Variants in FCF1 observed in about 807,000 individuals in gnomAD.
FCF1 encodes the protein rRNA-processing protein FCF1 homolog.
In FCF1, 17 loss-of-function variants were observed where a neutral mutation model predicts 32.5. That is an observed-to-expected ratio of 0.52 (90% CI 0.36 to 0.78). The LOEUF is 0.78. FCF1 is among the 30% of genes least tolerant of loss of function. FCF1 has a pLI of 0.00. For missense variants in FCF1, 201 were observed against 241.1 expected, an observed-to-expected ratio of 0.83 and a Z score of 1.10; for synonymous variants, 84 against 78.4, an observed-to-expected ratio of 1.07 and a Z score of -0.38.
intron 1 of FCF1, 112 bp from the exon 2 acceptor site, chr14:74,713,373 G>T: frequency 6.5e-7 from 1 of 1,544,752 alleles, no homozygotes; most frequent in Non-Finnish European, 8.8e-7. Flanking sequence ...GTGGGGAAGA[G>T]GGTCTGGGTT....
chr14:74,730,307 G>A (rs920636427), intron 5 of FCF1, among the ~76,000 whole-genome samples: 20 of 149,904 alleles, frequency 1.3e-4, no homozygotes, highest in African/African-American at 3.2e-4. Flanking sequence ...TGACCTCTCC[G>A]GCTCAAGTGA....
At chr14:74,732,865 T>A (rs770459430) in intron 6 of FCF1, 47 bp downstream of exon 6, 43 of 1,002,376 alleles carry the variant, frequency 4.3e-5, no homozygotes, top group Non-Finnish European at 5.7e-5. Flanking sequence ...AAAAAAAAAA[T>A]GTAAACTATT....
At chr14:74,723,389 A>C (rs2140028503) in intron 5 of FCF1, 45 bp downstream of exon 5, 1 of 1,307,786 alleles carries the variant, frequency 7.6e-7, no homozygotes, top group East Asian at 2.4e-5. Context: ...GGTATACTGA[A>C]GATTCATCTG....
chr14:74,714,894 C>A lies in FCF1; in HGVS notation c.94C>A (p.Pro32Thr), dbSNP rs1254086326. 1 of 1,587,376 alleles carries A rather than the reference C, an allele frequency of 6.3e-7. No homozygotes were observed. The highest frequency in any genetic ancestry group is 1.8e-5 in the Admixed American group (1 of 54,792). The change falls in exon 3 of 8, where the codon CCT becomes ACT. Residue 32 changes from proline (P) to threonine (T), a missense_variant. Around this residue, in one of 3 missense-constraint regions of FCF1, gnomAD observed 76 missense variants for 75.0 expected, o/e 1.01. Transcript: ENST00000341162. ...TAGTAAAGAAAAGGATAGATTAAAA[C>A]CTAAAAAGAAAGAAAAGAAGGATCC... ...QRLKEKDRLK[P>T]KKKEKKDPSA...
chr14:74,729,043 G>T (rs1411556873), intron 5 of FCF1, among the ~76,000 whole-genome samples: 1 of 152,192 alleles, frequency 6.6e-6, no homozygotes. Flanking sequence ...TGTTCATCAA[G>T]GATATTGGTC....
chr14:74,734,951 T>A lies in FCF1; in HGVS notation c.*21T>A. On this transcript the variant is annotated 3_prime_UTR_variant, in exon 8 of 8. Transcript: ENST00000341162. ...TCTAATTCTTACAAGACACAGTTCC[T>A]CTGCCTTTCTTCGACCAACTTTCTC... is the stretch of plus-strand genomic sequence containing the variant. 1 of 1,607,310 alleles carries A rather than the reference T, an allele frequency of 6.2e-7. No homozygotes were observed. The highest frequency in any genetic ancestry group is 8.5e-7 in the Non-Finnish European group (1 of 1,173,958).
chr14:74,719,362 C>G (rs779774794), intron 4 of FCF1, among the ~76,000 whole-genome samples: 2 of 151,686 alleles, frequency 1.3e-5, no homozygotes, highest in African/African-American at 2.4e-5. Context: ...ACCCCGTAGT[C>G]CCAGCAGTTT....
At chr14:74,729,100 G>A (rs1438515730) in intron 5 of FCF1, among the ~76,000 whole-genome samples, 1 of 152,154 alleles carries the variant, frequency 6.6e-6, no homozygotes, top group Non-Finnish European at 1.5e-5. Context: ...TTGGTATCAG[G>A]ATGATGCTGG....
At chr14:74,723,404 TTG>T (rs542704795) in intron 5 of FCF1, 60 bp downstream of exon 5, 3 of 1,229,964 alleles carry the variant, frequency 2.4e-6, no homozygotes, top group Non-Finnish European at 3.5e-6. Flanking sequence ...CATCTGTTTG[TTG>T]TTTAAAGATT....
intron 4 of FCF1, among the ~76,000 whole-genome samples, chr14:74,722,205 T>C (rs539990570): frequency 6.6e-6 from 1 of 152,094 alleles, no homozygotes; most frequent in East Asian, 1.9e-4. Flanking sequence ...CCCAACACCA[T>C]GCCCAGCTAT....
At chr14:74,714,479 A>G (rs559761141) in intron 2 of FCF1, among the ~76,000 whole-genome samples, 2 of 152,230 alleles carry the variant, frequency 1.3e-5, no homozygotes, top group African/African-American at 2.4e-5. Flanking sequence ...TATAAGAAGC[A>G]TATGGGGTAA....
chr14:74,722,582 G>A (rs1464653763), intron 4 of FCF1, among the ~76,000 whole-genome samples: 3 of 151,688 alleles, frequency 2.0e-5, no homozygotes, highest in East Asian at 1.9e-4. Flanking sequence ...AAATTTTTAT[G>A]TGATCAGATT....
chr14:74,717,346 A>G (rs541608397), intron 4 of FCF1, among the ~76,000 whole-genome samples: 20 of 151,596 alleles, frequency 1.3e-4, no homozygotes, highest in Non-Finnish European at 2.8e-4. Context: ...GAGAAACTCC[A>G]TCTAAAAAAA....
chr14:74,716,707 A>G (rs2090426092), intron 4 of FCF1, among the ~76,000 whole-genome samples: 1 of 152,230 alleles, frequency 6.6e-6, no homozygotes, highest in South Asian at 2.1e-4. Flanking sequence ...AAAGAAAAGT[A>G]AGGCCATCTA....
chr14:74,716,283 A>T (rs916437184), intron 4 of FCF1, among the ~76,000 whole-genome samples, 184 bp downstream of exon 4: 2 of 152,228 alleles, frequency 1.3e-5, no homozygotes, highest in Non-Finnish European at 2.9e-5. Context: ...ACTGGAAAAA[A>T]TTAAACTTTC....
chr14:74,715,632 C>T (rs79584556), intron 3 of FCF1: 6,087 of 404,810 alleles, frequency 0.015, 93 homozygotes, highest in South Asian at 0.032. Context: ...ATTCTAATCA[C>T]GATAACTGTA....
intron 4 of FCF1, among the ~76,000 whole-genome samples, chr14:74,721,290 G>A (rs1261122540): frequency 6.6e-6 from 1 of 151,826 alleles, no homozygotes; most frequent in African/African-American, 2.4e-5. Flanking sequence ...CAGGTGACCT[G>A]CCTGCCTTGG....
At chr14:74,734,794 T>A in intron 7 of FCF1, 88 bp from the exon 8 acceptor site, 1 of 982,572 alleles carries the variant, frequency 1.0e-6, no homozygotes. Context: ...ACAGTGGGGG[T>A]GAGAGTATTG....
chr14:74,738,030 G>A lies in FCF1; in HGVS notation c.*3100G>A. 6.8e-6 allele frequency: 1 copy of A among 147,904 alleles called. No individual in the cohort carries two copies. 9.2% of individuals were successfully genotyped at this position (147,904 alleles called of 1,614,324 possible). A position where few individuals can be genotyped will look rare whatever the true frequency, so the allele number is the denominator to read the frequency against. ...AAAAAAGAGAGAGAGAAAAAAATTAGTTTCCTACTTCACATGATTCATAAA... is the reference window on the plus strand; with the variant it reads ...AAAAAAGAGAGAGAGAAAAAAATTAATTTCCTACTTCACATGATTCATAAA... On this transcript the variant is annotated 3_prime_UTR_variant, in exon 8 of 8. Transcript: ENST00000341162.
Sources: allele counts gnomAD v4.1 joint callset (sites outside exome capture counted in the v4.1 genomes callset), GRCh38; gene constraint gnomAD v4.1.1; regional missense constraint gnomAD v4.1.1; transcripts MANE v1.5; gene names NCBI Gene and HGNC (gene_info 2026-07-23, HGNC 2026-07-21).